Variants in AGBL2 observed in about 807,000 individuals in gnomAD.
AGBL2 encodes AGBL carboxypeptidase 2.
Under a neutral mutation model 103.0 loss-of-function variants are expected in AGBL2, and 87 were observed. The observed-to-expected ratio is 0.84, with a 90% confidence interval of 0.71 to 1.01. AGBL2 has a LOEUF of 1.01. Among genes scored for constraint, AGBL2 ranks in the 50% least tolerant of loss-of-function variants. The pLI, the probability that AGBL2 is intolerant of heterozygous loss-of-function variation, is 0.00. For synonymous variants in AGBL2, 335 were observed against 356.7 expected (o/e 0.94, Z 0.69); for missense variants, 904 against 1,023.5 (o/e 0.88, Z 1.59).
At chr11:47,674,299 C>T (rs904487748) in intron 14 of AGBL2, among the ~76,000 whole-genome samples, 7 of 150,396 alleles carry the variant, frequency 4.7e-5, no homozygotes, top group East Asian at 2.0e-4. Flanking sequence ...CGGTGGCTCA[C>T]GCCTGTAATC....
At chr11:47,662,349 T>C (rs535579422) in intron 18 of AGBL2, among the ~76,000 whole-genome samples, 1 of 151,474 alleles carries the variant, frequency 6.6e-6, no homozygotes, top group East Asian at 2.0e-4. Context: ...AATTTTTATA[T>C]TTTTAGTTGA....
At chr11:47,710,549 C>T (rs145327262) in intron 3 of AGBL2, 38 bp from the exon 4 acceptor site, 107 of 1,610,766 alleles carry the variant, frequency 6.6e-5, no homozygotes, top group Non-Finnish European at 8.1e-5. Context: ...GCTGGAAGGC[C>T]GACTCATCAC....
chr11:47,714,017 G>A (rs879750365), intron 3 of AGBL2: 3 of 425,692 alleles, frequency 7.0e-6, no homozygotes, highest in East Asian at 8.1e-5. Flanking sequence ...TTAAGAGACA[G>A]TGATACTGGT....
In AGBL2 at chr11:47,677,251, C is replaced by A. The variant is rs1565023660; in HGVS notation, c.2147+20G>T. 2 of 1,569,034 alleles carry A rather than the reference C, an allele frequency of 1.3e-6. No homozygotes were observed. The highest frequency in any genetic ancestry group is 1.7e-6 in the Non-Finnish European group (2 of 1,160,430). ...ACAAAGTATTTAAAAAAAAACAAAA[C>A]TCTGTTTTTTCTTTGTTACCTGGAT... On this transcript the variant is annotated intron_variant, in intron 14 of 18. Transcript: ENST00000525123.
intron 10 of AGBL2, among the ~76,000 whole-genome samples, chr11:47,687,500 G>A (rs1051061335): frequency 2.0e-5 from 3 of 150,046 alleles, no homozygotes; most frequent in African/African-American, 7.4e-5. Flanking sequence ...CTGGCACACA[G>A]TAAATATTCA....
chr11:47,703,724 G>A (rs1337923659), intron 7 of AGBL2, among the ~76,000 whole-genome samples: 3 of 151,776 alleles, frequency 2.0e-5, no homozygotes, highest in Non-Finnish European at 4.4e-5. Flanking sequence ...TGGGGAGTTC[G>A]AGACCAGACT....
At chr11:47,701,946 C>T (rs2097500719) in intron 7 of AGBL2, among the ~76,000 whole-genome samples, 1 of 149,940 alleles carries the variant, frequency 6.7e-6, no homozygotes, top group South Asian at 2.1e-4. Flanking sequence ...GCACTCCAGC[C>T]TGGGCGACAG....
At position 47,677,351 on chromosome 11, in the gene AGBL2, G is replaced by A. The variant is rs1352023246; in HGVS notation, c.2067C>T (p.His689=). The A allele has an allele frequency of 1.9e-6, 3 of 1,610,988 alleles. No individual in the cohort carries two copies. The highest frequency in any genetic ancestry group is 4.5e-5 in the East Asian group (2 of 44,714). Reference sequence around the variant, plus strand: ...CTTGTCCAAGTTCATGGAATTTCTTGTGGATTTCCTGTCGTAAAAGCTCCT... The same window carrying A: ...CTTGTCCAAGTTCATGGAATTTCTTATGGATTTCCTGTCGTAAAAGCTCCT... The part of the protein sequence containing the change: ...ELKELLRQEI[H]KKFHELGQDV... Residue 689 remains histidine, a synonymous_variant, in exon 14 of 19, where the codon CAC becomes CAT. Transcript: ENST00000525123.
intron 12 of AGBL2, among the ~76,000 whole-genome samples, chr11:47,680,522 T>C (rs1462423174): frequency 6.6e-6 from 1 of 152,292 alleles, no homozygotes; most frequent in Non-Finnish European, 1.5e-5. Context: ...CTCATGCCTA[T>C]AATCCCAGCA....
chr11:47,679,507 C>T (rs1220288946), intron 13 of AGBL2, among the ~76,000 whole-genome samples: 1 of 152,078 alleles, frequency 6.6e-6, no homozygotes, highest in African/African-American at 2.4e-5. Flanking sequence ...CATTTGTAGA[C>T]AGTATGCAGT....
chr11:47,692,634 G>A (rs1205083101), intron 8 of AGBL2, among the ~76,000 whole-genome samples: 1 of 151,216 alleles, frequency 6.6e-6, no homozygotes, highest in Non-Finnish European at 1.5e-5. Flanking sequence ...GGATGGTCTC[G>A]ATCTCCTGAC....
chr11:47,692,020 A>C, intron 9 of AGBL2, 83 bp downstream of exon 9: 1 of 1,288,914 alleles, frequency 7.8e-7, no homozygotes. Context: ...TCTTTTTTGC[A>C]AGTACTTCTG....
chr11:47,686,017 C>T lies in AGBL2; in HGVS notation c.1664G>A (p.Cys555Tyr), dbSNP rs1296611340. 1 of 1,614,020 alleles carries T rather than the reference C, an allele frequency of 6.2e-7. No individual in the cohort carries two copies. Among genetic ancestry groups the T allele is most frequent in the East Asian group, 2.2e-5 (1 of 44,862 alleles). The change falls in exon 11 of 19, where the codon TGT (cysteine) becomes TAT (tyrosine). Residue 555 changes from cysteine (C) to tyrosine (Y), a missense_variant. Cys to Tyr is a radical substitution (Grantham distance 194). Coordinates refer to ENST00000525123, the MANE Select transcript of AGBL2 (RefSeq NM_024783.4). ...CTTACGACTGTGGCCATGGAAATCA[C>T]AATACAACAGAACCTCTCTTTCTTC... ...LLEEREVLLY[C>Y]DFHGHSRKNN...
Position 47,677,365 on chromosome 11 carries a change from G to A in AGBL2, c.2053C>T (p.Arg685Ter), listed in dbSNP as rs758160889. Reference protein sequence around the residue: ...QCLAELKELLRQEIHKKFHEL... With the variant: ...QCLAELKELL ...TGGAATTTCTTGTGGATTTCCTGTC[G>A]TAAAAGCTCCTTAAGCTCTGCTAGA... The change falls in exon 14 of 19, where the codon CGA becomes TGA. Residue 685 changes from arginine (R) to a stop codon, truncating the protein, a stop_gained. Coordinates refer to ENST00000525123, the MANE Select transcript of AGBL2 (RefSeq NM_024783.4). LOFTEE classifies it high-confidence loss of function. 8.1e-6 allele frequency: 13 copies of A among 1,610,260 alleles called. No homozygotes were observed. In the African/African-American group the frequency reaches 9.4e-5, roughly 12 times the overall value.
intron 8 of AGBL2, among the ~76,000 whole-genome samples, chr11:47,696,289 G>A (rs553637261): frequency 1.3e-5 from 2 of 151,902 alleles, no homozygotes; most frequent in South Asian, 2.1e-4. Flanking sequence ...TTGAGACAGA[G>A]TCTTGCTGTG....
At chr11:47,694,343 T>A (rs1220677120) in intron 8 of AGBL2, among the ~76,000 whole-genome samples, 1 of 152,108 alleles carries the variant, frequency 6.6e-6, no homozygotes, top group Non-Finnish European at 1.5e-5. Context: ...TCCTCTTTAG[T>A]TGCACAGAGC....
chr11:47,690,901 G>A (rs1340181250), intron 9 of AGBL2, 43 bp from the exon 10 acceptor site: 3 of 1,495,600 alleles, frequency 2.0e-6, no homozygotes. Flanking sequence ...CTTACACCCT[G>A]CCTTAAAAAA....
intron 17 of AGBL2, among the ~76,000 whole-genome samples, chr11:47,665,807 C>G (rs1441943072): frequency 6.6e-6 from 1 of 150,548 alleles, no homozygotes; most frequent in Non-Finnish European, 1.5e-5. Flanking sequence ...ATCAGAAGTT[C>G]AAAACCAGCC....
chr11:47,685,772 G>T, intron 11 of AGBL2, 121 bp downstream of exon 11: 1 of 1,093,406 alleles, frequency 9.1e-7, no homozygotes, highest in South Asian at 1.6e-5. Flanking sequence ...AGTCTAGGTT[G>T]CTCGGATTTA....
Sources: gnomAD v4.1 joint callset for allele counts (sites outside exome capture counted in the v4.1 genomes callset) on GRCh38, gnomAD v4.1.1 for gene constraint, MANE v1.5 for transcripts, NCBI Gene and HGNC (gene_info 2026-07-23, HGNC 2026-07-21) for gene names.